The following HEATR5B variants were observed in gnomAD, a reference collection of about 807,000 sequenced individuals.
HEATR5B encodes HEAT repeat containing 5B, also known as HEAT repeat-containing protein 5B.
HEATR5B carries 156 observed loss-of-function variants against 224.1 expected under a neutral mutation model. The ratio of observed to expected loss-of-function variants is 0.70; its 90% CI spans 0.61 to 0.80. HEATR5B has a LOEUF of 0.80. Among genes scored for constraint, HEATR5B ranks in the 30% least tolerant of loss-of-function variants. The probability of loss-of-function intolerance (pLI) is 0.00; values close to 1 mark genes in which losing one functional copy is unlikely to be tolerated. For synonymous variants in HEATR5B, 1,027 were observed against 893.0 expected (o/e 1.15, Z -2.68); for missense variants, 2,323 against 2,535.5 (o/e 0.92, Z 1.80).
chr2:37,039,118 G>A (rs1669713804), intron 20 of HEATR5B, among the ~76,000 whole-genome samples: 1 of 150,984 alleles, frequency 6.6e-6, no homozygotes, highest in Non-Finnish European at 1.5e-5. Flanking sequence ...CTTGAGGCCA[G>A]CAGTTTGAGA....
Position 37,007,221 on chromosome 2 carries a change from C to A in HEATR5B, c.4606G>T (p.Ala1536Ser). 1.9e-6 allele frequency: 3 copies of A among 1,614,082 alleles called. No individual in the cohort carries two copies. The highest frequency in any genetic ancestry group is 2.2e-5 in the South Asian group (2 of 91,074). ...AATCCTGTGCTATTTAACCAAAGTG[C>A]CACCGCATGGAGAATTGGGGCCCAG... ...NSWAPILHAV[A>S]LWLNSTGFTC... Residue 1536 changes from alanine (A) to serine (S), a missense_variant, in exon 29 of 36, where the codon GCA becomes TCA. This residue lies in a region of HEATR5B where 844 missense variants were observed against 812.9 expected (regional missense o/e 1.04). Transcript: ENST00000233099.
intron 24 of HEATR5B, among the ~76,000 whole-genome samples, chr2:37,022,814 G>A (rs1031929756): frequency 5.3e-5 from 8 of 152,150 alleles, no homozygotes; most frequent in Non-Finnish European, 1.2e-4. Context: ...ATGATACCAA[G>A]TAATTTAACT....
At chr2:37,074,657 A>G (rs1304802673) in intron 5 of HEATR5B, among the ~76,000 whole-genome samples, 5 of 152,260 alleles carry the variant, frequency 3.3e-5, no homozygotes, top group Non-Finnish European at 7.3e-5. Flanking sequence ...CACATATCTG[A>G]TAAAGGAATA....
chr2:37,023,387 T>C (rs1171822801), intron 24 of HEATR5B, among the ~76,000 whole-genome samples: 1 of 152,222 alleles, frequency 6.6e-6, no homozygotes, highest in African/African-American at 2.4e-5. Context: ...GTTTTTGTTG[T>C]CACTGTTGTT....
At chr2:36,995,971 T>C (rs1217959836) in intron 33 of HEATR5B, among the ~76,000 whole-genome samples, 2 of 151,756 alleles carry the variant, frequency 1.3e-5, no homozygotes, top group Non-Finnish European at 2.9e-5. Context: ...CTGCAGCCTC[T>C]GCCTCCTGGG....
chr2:37,074,354 A>C (rs1672100911), intron 5 of HEATR5B, among the ~76,000 whole-genome samples: 1 of 151,682 alleles, frequency 6.6e-6, no homozygotes, highest in South Asian at 2.1e-4. Context: ...GTACTGGAAG[A>C]AGTGGATATC....
At chr2:37,059,186 AG>A (rs905133485) in intron 12 of HEATR5B, among the ~76,000 whole-genome samples, 199 bp from the exon 13 acceptor site, 4 of 151,744 alleles carry the variant, frequency 2.6e-5, no homozygotes, top group African/African-American at 9.7e-5. Flanking sequence ...AAAGGTGGAT[AG>A]AAAAATGGAG....
intron 22 of HEATR5B, among the ~76,000 whole-genome samples, chr2:37,031,291 C>T (rs1408007770): frequency 6.6e-6 from 1 of 152,044 alleles, no homozygotes; most frequent in Non-Finnish European, 1.5e-5. Flanking sequence ...ATCTTGGGGA[C>T]TCCAAACATA....
At chr2:37,077,884 T>A (rs960167773) in intron 3 of HEATR5B, among the ~76,000 whole-genome samples, 5 of 152,188 alleles carry the variant, frequency 3.3e-5, no homozygotes, top group African/African-American at 1.2e-4. Context: ...CCTGTAAAAT[T>A]TAATCTAAAT....
rs374588391 is a variant in HEATR5B at position 37,068,883 on chromosome 2, G to A, written c.975C>T (p.Arg325=). Residue 325 remains arginine, a synonymous_variant, in exon 8 of 36, where the codon CGC becomes CGT. Transcript: ENST00000233099. ...CATGGGACAGGAACGTGGCAAAGCTGCGCTCCAACCACTGACCACCCAATG... is the reference window on the plus strand; with the variant it reads ...CATGGGACAGGAACGTGGCAAAGCTACGCTCCAACCACTGACCACCCAATG... ...VTTLGGQWLE[R]SFATFLSHVL... 2 of 1,614,098 alleles carry A rather than the reference G, an allele frequency of 1.2e-6. No homozygotes were observed. Among genetic ancestry groups the A allele is most frequent in the South Asian group, 1.1e-5 (1 of 91,090 alleles).
Position 37,041,136 on chromosome 2 carries a change from G to T in HEATR5B, c.2853C>A (p.Val951=), listed in dbSNP as rs932125105. 1.2e-6 allele frequency: 2 copies of T among 1,611,846 alleles called. No individual in the cohort carries two copies. The highest frequency in any genetic ancestry group is 2.7e-5 in the African/African-American group (2 of 74,742). ...ALAQDGTSPE[V]QTWSLHSLAL... ...AAAAAAACCAATTATATTATACCTG[G>T]ACTTCAGGGGATGTCCCATCTTGTG... Residue 951 remains valine, a synonymous_variant, in exon 19 of 36, where the codon GTC becomes GTA. Coordinates refer to ENST00000233099, the MANE Select transcript of HEATR5B (RefSeq NM_019024.3).
intron 21 of HEATR5B, among the ~76,000 whole-genome samples, chr2:37,037,295 G>T (rs534793653): frequency 1.3e-5 from 2 of 151,166 alleles, no homozygotes; most frequent in African/African-American, 4.9e-5. Context: ...ACAGGTGCAC[G>T]CCACCACGCC....
chr2:37,082,980 G>GCAA (rs1016350660), intron 2 of HEATR5B, among the ~76,000 whole-genome samples: 6 of 152,120 alleles, frequency 3.9e-5, no homozygotes, highest in Non-Finnish European at 8.8e-5. Flanking sequence ...AAGACACTGG[G>GCAA]ATTGTTAGGC....
chr2:37,074,238 G>A (rs1248343137), intron 5 of HEATR5B, among the ~76,000 whole-genome samples: 2 of 151,588 alleles, frequency 1.3e-5, no homozygotes, highest in Non-Finnish European at 2.9e-5. Flanking sequence ...CAGGAGAATG[G>A]TGTGAACCCG....
At chr2:36,989,189 G>A (rs1408460039) in intron 34 of HEATR5B, among the ~76,000 whole-genome samples, 4 of 152,038 alleles carry the variant, frequency 2.6e-5, no homozygotes, top group South Asian at 2.1e-4. Flanking sequence ...GGGTTCAAGC[G>A]ATTCTCCTGC....
chr2:37,040,077 A>G (rs894910812), intron 20 of HEATR5B, among the ~76,000 whole-genome samples: 1 of 152,236 alleles, frequency 6.6e-6, no homozygotes, highest in African/African-American at 2.4e-5. Flanking sequence ...TGGGACTCCA[A>G]GTAAAATTTC....
chr2:37,012,350 T>C (rs1667838575), intron 27 of HEATR5B, among the ~76,000 whole-genome samples: 1 of 152,190 alleles, frequency 6.6e-6, no homozygotes, highest in Non-Finnish European at 1.5e-5. Context: ...TGCATATCCT[T>C]AAATATTCCT....
intron 17 of HEATR5B, among the ~76,000 whole-genome samples, chr2:37,050,295 TAG>T (rs1670455716): frequency 6.6e-6 from 1 of 152,232 alleles, no homozygotes; most frequent in Non-Finnish European, 1.5e-5. Context: ...TACTAATGTC[TAG>T]AATCTGTAAC....
At chr2:37,038,878 A>G (rs775149863) in intron 20 of HEATR5B, among the ~76,000 whole-genome samples, 1 of 130,548 alleles carries the variant, frequency 7.7e-6, no homozygotes, top group Non-Finnish European at 1.6e-5. Context: ...CCAGCCTGGG[A>G]GACAGAGCAA....
Sources: allele counts gnomAD v4.1 joint callset (sites outside exome capture counted in the v4.1 genomes callset), GRCh38; gene constraint gnomAD v4.1.1; regional missense constraint gnomAD v4.1.1; transcripts MANE v1.5; gene names NCBI Gene and HGNC (gene_info 2026-07-23, HGNC 2026-07-21).